Variants in SH3D21 observed in about 807,000 individuals in gnomAD.
SH3D21 encodes the protein SH3 domain-containing protein 21.
SH3D21 carries 83 observed loss-of-function variants against 82.1 expected under a neutral mutation model. The ratio of observed to expected loss-of-function variants is 1.01; its 90% confidence interval spans 0.85 to 1.21. The LOEUF (loss-of-function observed/expected upper bound fraction) is 1.21, where lower values mean the gene tolerates loss of function less well. Ranked by LOEUF, SH3D21 falls within the 50% of genes most tolerant of loss-of-function variation. The pLI, the probability that SH3D21 is intolerant of heterozygous loss-of-function variation, is 0.00. For missense variants in SH3D21, 980 were observed against 962.1 expected, an observed-to-expected ratio of 1.02 and a Z score of -0.25; for synonymous variants, 383 against 387.8, an observed-to-expected ratio of 0.99 and a Z score of 0.15.
Position 36,319,322 on chromosome 1 carries a change from G to T in SH3D21, c.916+10G>T. On this transcript the variant is annotated intron_variant, in intron 12 of 15. Transcript: ENST00000453908. ...ACCTCCCGAGACTCAGGCAAGGGCT[G>T]CCTTCCTCCAGTGCGGGGAGGACTG... The T allele has an allele frequency of 6.4e-7, 1 of 1,551,708 alleles. No individual in the cohort carries two copies. Among genetic ancestry groups the T allele is most frequent in the Non-Finnish European group, 8.7e-7 (1 of 1,146,984 alleles).
At chr1:36,327,228 A>T (rs577863367), downstream of SH3D21, among the ~76,000 whole-genome samples, 1 of 152,316 alleles carries the variant, frequency 6.6e-6, no homozygotes, top group South Asian at 2.1e-4. Context: ...GACCATCAGC[A>T]ATATTGAGTT....
chr1:36,319,093 G>T lies in SH3D21; in HGVS notation c.792G>T (p.Lys264Asn). 6.4e-7 allele frequency: 1 copy of T among 1,551,096 alleles called. No individual in the cohort carries two copies. Among genetic ancestry groups the T allele is most frequent in the South Asian group, 1.2e-5 (1 of 84,046 alleles). The change falls in exon 11 of 16, where the codon AAG becomes AAT. Residue 264 changes from lysine to asparagine, a missense_variant. By Grantham distance (94) the Lys-to-Asn change is moderately conservative. Transcript: ENST00000453908. ...RESAPIKEPK[K>N]LMPKTSLPTV... ...CAGCTCCTATTAAGGAACCAAAAAAGTTGATGCCCAAAACATCCCTCCCCA... is the reference window on the plus strand; with the variant it reads ...CAGCTCCTATTAAGGAACCAAAAAATTTGATGCCCAAAACATCCCTCCCCA...
At chr1:36,325,740 T>C (rs1011674762), downstream of SH3D21, among the ~76,000 whole-genome samples, 4 of 152,160 alleles carry the variant, frequency 2.6e-5, no homozygotes, top group African/African-American at 9.7e-5. Context: ...GAGACCGGGT[T>C]TCACCATGTT....
At chr1:36,321,977 T>G, downstream of SH3D21, 1 of 1,176,150 alleles carries the variant, frequency 8.5e-7, no homozygotes, top group Non-Finnish European at 1.1e-6. This position sits in a 1 kb window ranked among gnomAD's most constrained non-coding sequence, Gnocchi z 6.1. Flanking sequence ...GGCCCCTGCG[T>G]GGCAGGAGCC....
Position 36,321,249 on chromosome 1 carries a change from C to T in SH3D21, c.*122C>T. The T allele has an allele frequency of 6.8e-7, 1 of 1,476,458 alleles. No homozygotes were observed. 91.5% of individuals were successfully genotyped at this position (1,476,458 alleles called of 1,614,324 possible). On this transcript the variant is annotated 3_prime_UTR_variant, in exon 16 of 16. Coordinates refer to ENST00000453908, the MANE Select transcript of SH3D21 (RefSeq NM_001162530.2). The surrounding 1 kb of genome is among the most constrained non-coding windows in gnomAD (Gnocchi z 6.1). Reference sequence around the variant, plus strand: ...GCACGGCGCCACGCCGGTCTGGTCGCTGGGGGCGGGGCCTGCGCGGGGGCA... The same window carrying T: ...GCACGGCGCCACGCCGGTCTGGTCGTTGGGGGCGGGGCCTGCGCGGGGGCA...
chr1:36,318,973 C>A, intron 10 of SH3D21, 98 bp from the exon 11 acceptor site: 1 of 666,142 alleles, frequency 1.5e-6, no homozygotes, highest in South Asian at 1.8e-5. Flanking sequence ...GGCGCATAGT[C>A]AAACAAGATT....
chr1:36,308,567 G>A (rs1335362460), intron 9 of SH3D21, 92 bp downstream of exon 9: 1 of 1,011,980 alleles, frequency 9.9e-7, no homozygotes, highest in African/African-American at 1.6e-5. Flanking sequence ...TAGCTGGAGG[G>A]TCACTAAATG....
rs1038667705 is a variant in SH3D21 at position 36,319,959 on chromosome 1, C to T, written c.1296C>T (p.Ser432=). The change falls in exon 14 of 16, where the codon TCC becomes TCT. Residue 432 remains serine (S), a synonymous_variant. Coordinates refer to ENST00000453908, the MANE Select transcript of SH3D21 (RefSeq NM_001162530.2). The stretch of plus-strand genomic sequence containing the variant: ...ACAAGGCTTCTATCCCAGAGAACTC[C>T]ATCATCCCAGAGGAGACCCTGACTG... ...PEDKASIPEN[S]IIPEETLTVD... 3 of 1,614,128 alleles carry T rather than the reference C, an allele frequency of 1.9e-6. No individual in the cohort carries two copies. The highest frequency in any genetic ancestry group is 1.7e-5 in the Admixed American group (1 of 60,022).
Position 36,307,704 on chromosome 1 carries a change from T to A in SH3D21, c.437-66T>A. On this transcript the variant is annotated intron_variant, in intron 5 of 15. Transcript: ENST00000453908. This position sits in a 1 kb window ranked among gnomAD's most constrained non-coding sequence, Gnocchi z 5.4. ...TCACATATCCTGACCCTGTGACCCCTCTGACCCTCTCCCATGACCTAACCT... is the reference window on the plus strand; with the variant it reads ...TCACATATCCTGACCCTGTGACCCCACTGACCCTCTCCCATGACCTAACCT... 2 of 1,540,676 alleles carry A rather than the reference T, an allele frequency of 1.3e-6. No homozygotes were observed. The highest frequency in any genetic ancestry group is 1.8e-6 in the Non-Finnish European group (2 of 1,139,428).
intron 10 of SH3D21, among the ~76,000 whole-genome samples, chr1:36,318,780 G>T (rs553086823): frequency 1.3e-5 from 2 of 151,872 alleles, no homozygotes; most frequent in African/African-American, 2.4e-5. Flanking sequence ...GTGGTGGAGG[G>T]CACCTGTAGT....
At chr1:36,327,426 C>G (rs1178665537), downstream of SH3D21, among the ~76,000 whole-genome samples, 4 of 152,208 alleles carry the variant, frequency 2.6e-5, no homozygotes, top group African/African-American at 9.7e-5. Flanking sequence ...TGCCTCAGTT[C>G]ATGTGGCACA....
chr1:36,313,553 GC>G (rs969841201), intron 10 of SH3D21, among the ~76,000 whole-genome samples: 19 of 151,978 alleles, frequency 1.3e-4, no homozygotes, highest in Non-Finnish European at 2.6e-4. Context: ...CTAATTATTT[GC>G]ATAAAGTTGT....
rs753425735 is a variant in SH3D21, at chr1:36,319,796, C to T, written c.1133C>T (p.Pro378Leu). Residue 378 changes from proline (P) to leucine (L), a missense_variant, in exon 14 of 16, where the codon CCG becomes CTG. By Grantham distance (98) the Pro-to-Leu change is moderately conservative (BLOSUM62 -3). Coordinates refer to ENST00000453908, the MANE Select transcript of SH3D21 (RefSeq NM_001162530.2). ...AACGCCCCCAGCTCCAAGAAGATCC[C>T]GGCTCCTGACAAAGTCCCCTCCCCA... is the stretch of plus-strand genomic sequence containing the variant. ...PENAPSSKKI[P>L]APDKVPSPEK... 4.7e-5 allele frequency: 76 copies of T among 1,613,668 alleles called. No individual in the cohort carries two copies. The highest frequency in any genetic ancestry group is 6.7e-5 in the East Asian group (3 of 44,868).
In SH3D21 at chr1:36,320,470, G is replaced by C. The variant is rs374549207; in HGVS notation, c.1807G>C (p.Glu603Gln). The change falls in exon 14 of 16, where the codon GAG (glutamate) becomes CAG (glutamine). Residue 603 changes from glutamate to glutamine, a missense_variant. Coordinates refer to ENST00000453908, the MANE Select transcript of SH3D21 (RefSeq NM_001162530.2). ...CAATGACGAGAGGACCCCTGAAGAG[G>C]AGGCGCCCCCCAACGAGCAGAGGCC... ...PSNDERTPEE[E>Q]APPNEQRPLR... 2.5e-6 allele frequency: 4 copies of C among 1,613,644 alleles called. No homozygotes were observed. The African/African-American group carries it at 4.0e-5, about 16-fold the overall frequency.
At chr1:36,326,493 G>A (rs1187434371), downstream of SH3D21, among the ~76,000 whole-genome samples, 1 of 152,188 alleles carries the variant, frequency 6.6e-6, no homozygotes, top group Non-Finnish European at 1.5e-5. Context: ...GGCCTCCAAA[G>A]TGCTGGAATT....
rs746766073 is a variant in SH3D21 at position 36,319,739 on chromosome 1, C to G, written c.1076C>G (p.Thr359Ser). The change falls in exon 14 of 16, where the codon ACT (threonine) becomes AGT (serine). Residue 359 changes from threonine to serine, a missense_variant. By Grantham distance (58) the Thr-to-Ser change is moderately conservative. Transcript: ENST00000453908. ...AAGAGAACCCCCATGCCGGACAAGA[C>G]TGCCACCCCAGAGAGGCCCCCAGCT... ...SVKRTPMPDKTATPERPPAPE... is the reference protein window; with the variant it reads ...SVKRTPMPDKSATPERPPAPE... 1 of 1,598,900 alleles carries G rather than the reference C, an allele frequency of 6.3e-7. No homozygotes were observed. The highest frequency in any genetic ancestry group is 8.5e-7 in the Non-Finnish European group (1 of 1,174,198).
Position 36,307,093 on chromosome 1 carries a change from C to T in SH3D21, c.227-74C>T. On this transcript the variant is annotated intron_variant, in intron 3 of 15. Transcript: ENST00000453908. The surrounding 1 kb of genome is among the most constrained non-coding windows in gnomAD (Gnocchi z 5.4). ...GGCTGGAGGGACCAAAGGCTACGTG[C>T]GCGCCTTGCGCTTCCCCCAGCTCCT... The T allele has an allele frequency of 6.5e-7, 1 of 1,538,484 alleles. No homozygotes were observed.
chr1:36,321,553 C>T (rs920664914), downstream of SH3D21: 1 of 740,346 alleles, frequency 1.4e-6, no homozygotes, highest in Non-Finnish European at 1.8e-6. This position sits in a 1 kb window ranked among gnomAD's most constrained non-coding sequence, Gnocchi z 6.1. Context: ...TCGGACCCCT[C>T]CCAGCTGGCC....
chr1:36,310,970 A>AC (rs1040923699), intron 10 of SH3D21, among the ~76,000 whole-genome samples: 1 of 150,626 alleles, frequency 6.6e-6, no homozygotes, highest in Admixed American at 6.6e-5. Context: ...GTGCAGTGGC[A>AC]CAGTCTCCCC....
Sources: allele counts gnomAD v4.1 joint callset (sites outside exome capture counted in the v4.1 genomes callset), GRCh38; gene constraint gnomAD v4.1.1; non-coding constraint Gnocchi (gnomAD v3.1); transcripts MANE v1.5; gene names NCBI Gene and HGNC (gene_info 2026-07-23, HGNC 2026-07-21).